Variants in DENND1A observed in about 807,000 individuals in gnomAD.
DENND1A encodes the protein DENN domain-containing protein 1A.
Under a neutral mutation model 113.7 loss-of-function variants are expected in DENND1A, and 51 were observed. That is an observed-to-expected ratio of 0.45 (90% CI 0.36 to 0.57). DENND1A has a LOEUF of 0.57. Ranked by LOEUF, DENND1A falls within the 20% of genes least tolerant of loss-of-function variation. The pLI is 0.00. For missense variants in DENND1A, 1,258 were observed against 1,395.9 expected (o/e 0.90, Z 1.57); for synonymous variants, 565 against 570.8 (o/e 0.99, Z 0.14).
chr9:123,639,160 G>A (rs555453433), intron 9 of DENND1A, among the ~76,000 whole-genome samples: 23 of 151,360 alleles, frequency 1.5e-4, no homozygotes, highest in African/African-American at 4.6e-4. Flanking sequence ...ACTGTAGGCC[G>A]CAGGTGGTAG....
At chr9:123,648,915 T>A (rs1375060908) in intron 9 of DENND1A, among the ~76,000 whole-genome samples, 1 of 152,206 alleles carries the variant, frequency 6.6e-6, no homozygotes, top group South Asian at 2.1e-4. Context: ...AGAGCCCATA[T>A]ACATGTGATC....
chr9:123,769,468 T>A, intron 4 of DENND1A, 46 bp downstream of exon 4: 1 of 1,511,852 alleles, frequency 6.6e-7, no homozygotes, highest in South Asian at 1.2e-5. Context: ...CTATAGCAGG[T>A]TTATTGATAC....
chr9:123,732,663 A>G (rs1047283060), intron 5 of DENND1A, among the ~76,000 whole-genome samples: 4 of 152,238 alleles, frequency 2.6e-5, no homozygotes, highest in African/African-American at 9.6e-5. Flanking sequence ...AGGAAATTTT[A>G]CTGTACACAA....
intron 13 of DENND1A, among the ~76,000 whole-genome samples, chr9:123,486,061 T>C (rs2133860510): frequency 6.6e-6 from 1 of 152,212 alleles, no homozygotes; most frequent in South Asian, 2.1e-4. Flanking sequence ...TGGGAGCAGG[T>C]GGGAAGAGAA....
At chr9:123,432,948 T>C (rs1261097401) in intron 19 of DENND1A, among the ~76,000 whole-genome samples, 6 of 152,136 alleles carry the variant, frequency 3.9e-5, no homozygotes, top group Non-Finnish European at 8.8e-5. Flanking sequence ...TTGCCATGTG[T>C]GCATGCATAG....
intron 13 of DENND1A, among the ~76,000 whole-genome samples, chr9:123,469,209 T>C (rs977684555): frequency 1.3e-5 from 2 of 152,182 alleles, no homozygotes; most frequent in African/African-American, 2.4e-5. Context: ...ATGTCAGAAA[T>C]AGACTCCCAG....
intron 5 of DENND1A, among the ~76,000 whole-genome samples, chr9:123,740,939 A>AGAGAGAGAGAGAGAGT (rs2068970077): frequency 6.8e-6 from 1 of 147,392 alleles, no homozygotes; most frequent in African/African-American, 2.5e-5. Flanking sequence ...AGAGAGAGAG[A>AGAGAGAGAGAGAGAGT]GAGTATGGAC....
intron 13 of DENND1A, among the ~76,000 whole-genome samples, chr9:123,464,321 G>A (rs994893539): frequency 2.0e-5 from 3 of 152,216 alleles, no homozygotes; most frequent in Non-Finnish European, 4.4e-5. Context: ...TCAGCCAAAA[G>A]ATGGAAGCAA....
chr9:123,851,803 T>C (rs904149098), intron 2 of DENND1A, among the ~76,000 whole-genome samples: 3 of 151,752 alleles, frequency 2.0e-5, no homozygotes, highest in Non-Finnish European at 4.4e-5. Context: ...ACAAAGAAAA[T>C]ACAAATGAAA....
intron 13 of DENND1A, among the ~76,000 whole-genome samples, chr9:123,493,965 G>A (rs2051625172): frequency 6.6e-6 from 1 of 152,184 alleles, no homozygotes; most frequent in South Asian, 2.1e-4. Flanking sequence ...AGACTCTGAG[G>A]TTTCTGGGGG....
intron 19 of DENND1A, among the ~76,000 whole-genome samples, chr9:123,433,320 T>C (rs1468615855): frequency 2.0e-5 from 3 of 152,184 alleles, no homozygotes; most frequent in Non-Finnish European, 4.4e-5. Context: ...CTCTAACTCA[T>C]TGTCTCCAGG....
At chr9:123,386,476 G>T (rs1340625571) in intron 22 of DENND1A, among the ~76,000 whole-genome samples, 1 of 151,170 alleles carries the variant, frequency 6.6e-6, no homozygotes, top group Non-Finnish European at 1.5e-5. Context: ...CCGCCTCCCG[G>T]GTTCAAGTGA....
At chr9:123,771,275 T>C (rs1047522487) in intron 3 of DENND1A, among the ~76,000 whole-genome samples, 2 of 152,294 alleles carry the variant, frequency 1.3e-5, no homozygotes, top group Non-Finnish European at 2.9e-5. Flanking sequence ...CAGGCAAAGA[T>C]AGGAAAACAG....
intron 2 of DENND1A, among the ~76,000 whole-genome samples, chr9:123,837,452 G>C (rs569357589): frequency 6.6e-6 from 1 of 152,094 alleles, no homozygotes; most frequent in African/African-American, 2.4e-5. Context: ...GTAAGGTATG[G>C]ATACAAACAT....
intron 12 of DENND1A, among the ~76,000 whole-genome samples, chr9:123,571,109 C>G (rs1041389651): frequency 6.6e-6 from 1 of 151,910 alleles, no homozygotes; most frequent in Non-Finnish European, 1.5e-5. Flanking sequence ...AAAGCTAACT[C>G]AGACAAGATT....
intron 2 of DENND1A, among the ~76,000 whole-genome samples, chr9:123,807,561 C>CCAA (rs1301192341): frequency 6.6e-6 from 1 of 152,238 alleles, no homozygotes; most frequent in Non-Finnish European, 1.5e-5. Context: ...GTCTCCTTAC[C>CCAA]ATCTGTGCTC....
chr9:123,473,839 C>T (rs1192025238), intron 13 of DENND1A, among the ~76,000 whole-genome samples: 1 of 152,148 alleles, frequency 6.6e-6, no homozygotes, highest in Non-Finnish European at 1.5e-5. Context: ...GAGATCCAGG[C>T]CTTGGAGCAA....
chr9:123,667,994 G>A (rs952184426), intron 7 of DENND1A, among the ~76,000 whole-genome samples: 2 of 152,056 alleles, frequency 1.3e-5, no homozygotes, highest in Non-Finnish European at 2.9e-5. Context: ...TTCAAAGAAC[G>A]TCCAATGAGG....
chr9:123,656,263 G>C (rs1189540172), intron 8 of DENND1A, among the ~76,000 whole-genome samples: 2 of 152,052 alleles, frequency 1.3e-5, no homozygotes, highest in Non-Finnish European at 2.9e-5. Context: ...GGGAGAGCAG[G>C]GGGCAGGGGA....
Sources: gnomAD v4.1 joint callset for allele counts (sites outside exome capture counted in the v4.1 genomes callset) on GRCh38, gnomAD v4.1.1 for gene constraint, MANE v1.5 for transcripts, NCBI Gene and HGNC (gene_info 2026-07-23, HGNC 2026-07-21) for gene names.